The following RBFOX1 variants were observed in gnomAD, a reference collection of about 807,000 sequenced individuals.
RBFOX1 encodes RNA binding protein fox-1 homolog 1.
Under a neutral mutation model 57.7 loss-of-function variants are expected in RBFOX1, and 8 were observed. The ratio of observed to expected loss-of-function variants is 0.14; its 90% CI spans 0.08 to 0.25. RBFOX1 has a LOEUF of 0.25. RBFOX1 is among the 10% of genes least tolerant of loss of function. The probability of loss-of-function intolerance (pLI) is 1.00; values close to 1 mark genes in which losing one functional copy is unlikely to be tolerated. For missense variants in RBFOX1, 611 were observed against 548.5 expected (o/e 1.11, Z -1.14); for synonymous variants, 326 against 222.4 (o/e 1.47, Z -4.15).
intron 3 of RBFOX1, among the ~76,000 whole-genome samples, chr16:5,764,663 A>G (rs1209569723): frequency 3.9e-5 from 6 of 152,076 alleles, no homozygotes; most frequent in Non-Finnish European, 5.9e-5. Context: ...TTATCAGTAA[A>G]CCAACCTGGA....
At chr16:6,239,201 C>A (rs1347220120) in intron 1 of RBFOX1, among the ~76,000 whole-genome samples, 1 of 152,034 alleles carries the variant, frequency 6.6e-6, no homozygotes, top group African/African-American at 2.4e-5. Flanking sequence ...ATGAATAGCC[C>A]TCTAGGTCAC....
At chr16:6,365,304 A>G (rs1007307958) in intron 2 of RBFOX1, among the ~76,000 whole-genome samples, 8 of 148,902 alleles carry the variant, frequency 5.4e-5, no homozygotes, top group African/African-American at 2.0e-4. Flanking sequence ...GGATGGGTGG[A>G]TGGATGTTTG....
intron 3 of RBFOX1, among the ~76,000 whole-genome samples, chr16:6,847,982 A>T (rs1484481876): frequency 6.6e-6 from 1 of 152,044 alleles, no homozygotes; most frequent in Admixed American, 6.5e-5. Context: ...GGCACCTGCC[A>T]CCATGCCCGG....
intron 4 of RBFOX1, among the ~76,000 whole-genome samples, chr16:7,192,597 C>G (rs757919538): frequency 6.6e-6 from 1 of 151,996 alleles, no homozygotes; most frequent in Non-Finnish European, 1.5e-5. Flanking sequence ...TCCAGACACA[C>G]GAAAAGGGGG....
At chr16:5,846,935 C>A (rs1013894365) in intron 3 of RBFOX1, among the ~76,000 whole-genome samples, 1 of 152,154 alleles carries the variant, frequency 6.6e-6, no homozygotes, top group African/African-American at 2.4e-5. Context: ...TCAATTAGTG[C>A]ATTTGGGTCC....
chr16:6,398,129 G>T (rs2092916019), intron 2 of RBFOX1, among the ~76,000 whole-genome samples: 1 of 152,134 alleles, frequency 6.6e-6, no homozygotes, highest in South Asian at 2.1e-4. Flanking sequence ...GAAGAAAGGA[G>T]CAAAGCCCCT....
At chr16:6,840,902 A>AAAG (rs1385482460) in intron 3 of RBFOX1, among the ~76,000 whole-genome samples, 1 of 151,380 alleles carries the variant, frequency 6.6e-6, no homozygotes, top group African/African-American at 2.4e-5. Flanking sequence ...AAAAAAAAAA[A>AAAG]AACGAAAAAA....
intron 3 of RBFOX1, among the ~76,000 whole-genome samples, chr16:6,805,272 G>C (rs908065376): frequency 6.6e-6 from 1 of 152,128 alleles, no homozygotes; most frequent in East Asian, 1.9e-4. Flanking sequence ...ATTTTCCTTA[G>C]CAAACTATGA....
intron 2 of RBFOX1, among the ~76,000 whole-genome samples, chr16:6,388,909 C>T (rs769251268): frequency 2.0e-5 from 3 of 152,136 alleles, no homozygotes; most frequent in Admixed American, 6.6e-5. Flanking sequence ...AGTAGAATGG[C>T]GGTTTCCAGG....
chr16:5,961,426 C>G (rs571074424), intron 4 of RBFOX1, among the ~76,000 whole-genome samples: 1 of 152,198 alleles, frequency 6.6e-6, no homozygotes, highest in African/African-American at 2.4e-5. Context: ...TTAACCCTTA[C>G]TTCACACTAT....
intron 4 of RBFOX1, among the ~76,000 whole-genome samples, chr16:5,975,618 T>C (rs1255058495): frequency 6.6e-6 from 1 of 152,200 alleles, no homozygotes; most frequent in African/African-American, 2.4e-5. Context: ...AGAAAGTTAC[T>C]TTATCTGTGA....
chr16:6,936,982 A>C (rs1439123640), intron 3 of RBFOX1, among the ~76,000 whole-genome samples: 1 of 150,808 alleles, frequency 6.6e-6, no homozygotes, highest in African/African-American at 2.4e-5. Context: ...TGGGAGATAT[A>C]CCTAATGCTA....
At chr16:6,996,349 T>C (rs1022353827) in intron 3 of RBFOX1, among the ~76,000 whole-genome samples, 1 of 152,172 alleles carries the variant, frequency 6.6e-6, no homozygotes, top group African/African-American at 2.4e-5. Flanking sequence ...TCTTTTTCTG[T>C]TCTGTGGTTT....
intron 3 of RBFOX1, among the ~76,000 whole-genome samples, chr16:6,842,676 C>G (rs1197207555): frequency 7.3e-6 from 1 of 136,654 alleles, no homozygotes; most frequent in East Asian, 2.2e-4. Flanking sequence ...AATTTTACTT[C>G]AAGTTCTGGG....
chr16:7,370,401 A>G (rs1389582249), intron 4 of RBFOX1, among the ~76,000 whole-genome samples: 1 of 152,184 alleles, frequency 6.6e-6, no homozygotes, highest in Non-Finnish European at 1.5e-5. Context: ...TGACTCCTGT[A>G]ACTGATTCTG....
intron 2 of RBFOX1, among the ~76,000 whole-genome samples, chr16:6,344,274 C>T (rs1444085764): frequency 6.6e-6 from 1 of 152,012 alleles, no homozygotes; most frequent in African/African-American, 2.4e-5. Context: ...TGGTCTCTAA[C>T]TCTGAGCCTC....
intron 4 of RBFOX1, among the ~76,000 whole-genome samples, chr16:5,920,940 G>A (rs2058807235): frequency 2.1e-5 from 2 of 95,058 alleles, no homozygotes; most frequent in South Asian, 3.2e-4. Flanking sequence ...AACATGTGCC[G>A]TGCAAGGCTA....
intron 4 of RBFOX1, among the ~76,000 whole-genome samples, chr16:7,417,160 A>G (rs983578077): frequency 2.0e-5 from 3 of 152,084 alleles, no homozygotes; most frequent in Non-Finnish European, 4.4e-5. Context: ...ATCTGAGGTC[A>G]GGAGTTTGAG....
intron 4 of RBFOX1, among the ~76,000 whole-genome samples, chr16:7,494,862 C>G (rs1263630816): frequency 1.4e-5 from 1 of 71,992 alleles, no homozygotes; most frequent in African/African-American, 5.6e-5. Context: ...ACTATAAAAT[C>G]TTCATTCTTT....
Sources: allele counts gnomAD v4.1 joint callset (sites outside exome capture counted in the v4.1 genomes callset), GRCh38; gene constraint gnomAD v4.1.1; transcripts MANE v1.5; gene names NCBI Gene and HGNC (gene_info 2026-07-23, HGNC 2026-07-21).